Variants in PSAT1 observed in about 807,000 individuals in gnomAD.
PSAT1 encodes phosphoserine aminotransferase 1, also known as phosphoserine aminotransferase.
A neutral mutation model predicts 40.3 loss-of-function variants in PSAT1; 41 were observed. The observed-to-expected ratio is 1.02, with a 90% CI of 0.79 to 1.32. The LOEUF (loss-of-function observed/expected upper bound fraction) is 1.32. PSAT1 is among the 40% of genes most tolerant of loss of function. The pLI is 0.00. For synonymous variants in PSAT1, 147 were observed against 170.5 expected (o/e 0.86, Z 1.07); for missense variants, 406 against 455.8 (o/e 0.89, Z 0.99).
intron 6 of PSAT1, among the ~76,000 whole-genome samples, chr9:78,315,625 T>TG (rs1828332288): frequency 1.3e-5 from 2 of 152,162 alleles, no homozygotes; most frequent in South Asian, 4.1e-4. Flanking sequence ...GGAGGTAGGC[T>TG]GGGGAAGCTT....
chr9:78,300,987 A>T (rs1488560933), intron 2 of PSAT1, among the ~76,000 whole-genome samples: 1 of 152,010 alleles, frequency 6.6e-6, no homozygotes, highest in African/African-American at 2.4e-5. Context: ...ATCCTCCCAC[A>T]TTGGCCTCCC....
At chr9:78,307,844 A>G (rs1828207263) in intron 5 of PSAT1, among the ~76,000 whole-genome samples, 1 of 152,178 alleles carries the variant, frequency 6.6e-6, no homozygotes. Context: ...GTTCAAGACC[A>G]GCCTGGCCAA....
intron 5 of PSAT1, among the ~76,000 whole-genome samples, chr9:78,307,455 T>C (rs1195486281): frequency 6.6e-6 from 1 of 152,256 alleles, no homozygotes; most frequent in East Asian, 1.9e-4. Context: ...CTGTATTTGG[T>C]TTATGGTCTG....
In PSAT1 at chr9:78,310,616, A is replaced by ATTTTT. The variant is rs61004589; in HGVS notation, c.740+2043_740+2047dup. Among the ~76,000 whole-genome samples, 195 of 145,976 alleles carry ATTTTT rather than the reference A, an allele frequency of 1.3e-3. 2 individuals are homozygous for ATTTTT. Among genetic ancestry groups the ATTTTT allele is most frequent in the African/African-American group, 3.4e-3 (137 of 39,712 alleles). Reference sequence around the variant, plus strand: ...CATAATTTACTATGGAAAGGAAAGAATTTTTTTTTTTTTTGACAGAATCTT... The same window carrying ATTTTT: ...CATAATTTACTATGGAAAGGAAAGAATTTTTTTTTTTTTTTTTTTGACAGAATCTT... On this transcript the variant is annotated intron_variant, in intron 6 of 8. Coordinates refer to ENST00000376588, the MANE Select transcript of PSAT1 (RefSeq NM_058179.4).
chr9:78,322,766 CAT>C (rs1828447618), intron 7 of PSAT1, among the ~76,000 whole-genome samples: 1 of 152,186 alleles, frequency 6.6e-6, no homozygotes, highest in African/African-American at 2.4e-5. Context: ...CAAGCTGCCT[CAT>C]AGACAAATGG....
Position 78,300,589 on chromosome 9 carries a change from TA to T in PSAT1, c.61-12del, listed in dbSNP as rs749217693. On this transcript the variant is annotated splice_polypyrimidine_tract_variant and intron_variant, in intron 1 of 8. Transcript: ENST00000376588. ...ATATTTAAATAACCCTATTTTCCTT[TA>T]TTTTTTTCTAGGTGTTGTTAGAGAT... The T allele has an allele frequency of 6.2e-7, 1 of 1,608,600 alleles. No homozygotes were observed. The highest frequency in any genetic ancestry group is 8.5e-7 in the Non-Finnish European group (1 of 1,178,082).
chr9:78,329,122 A>G lies in PSAT1; in HGVS notation c.*36A>G. 6.9e-7 allele frequency: 1 copy of G among 1,458,296 alleles called. No individual in the cohort carries two copies. The highest frequency in any genetic ancestry group is 9.6e-7 in the Non-Finnish European group (1 of 1,039,828). The allele number at this position is 1,458,296 out of a possible 1,614,324, so 90.3% of individuals were successfully genotyped here. ...ACCAGGATATACTCTGTTCTTGAAC[A>G]ACATACAAAGTTTAAAGTAACTTGG... On this transcript the variant is annotated 3_prime_UTR_variant, in exon 9 of 9. Transcript: ENST00000376588.
chr9:78,329,617 A>G lies in PSAT1; in HGVS notation c.*531A>G, dbSNP rs1007924919. The G allele has an allele frequency of 1.2e-5, 2 of 162,140 alleles. No homozygotes were observed. The highest frequency in any genetic ancestry group is 1.2e-4 in the Admixed American group (2 of 17,274). The allele number at this position is 162,140 out of a possible 1,614,324, so 10.0% of individuals were successfully genotyped here. On this transcript the variant is annotated 3_prime_UTR_variant, in exon 9 of 9. Transcript: ENST00000376588. ...ATGCTGTTATTACAGGAGAAGTGAC[A>G]TACTTTATATATGTTTATATTAGCA...
rs1828036312 is a variant in PSAT1 at position 78,297,144 on chromosome 9, G to T, written c.-67G>T. 1.3e-6 allele frequency: 2 copies of T among 1,500,434 alleles called. No homozygotes were observed. Among genetic ancestry groups the T allele is most frequent in the South Asian group, 1.2e-5 (1 of 83,960 alleles). 92.9% of individuals were successfully genotyped at this position (1,500,434 alleles called of 1,614,324 possible). A position where few individuals can be genotyped will look rare whatever the true frequency, so the allele number is the denominator to read the frequency against. On this transcript the variant is annotated 5_prime_UTR_variant, in exon 1 of 9. Transcript: ENST00000376588. ...CCGGCTGCAGACTCTCACCGCAGCG[G>T]CCAGGAACGCCAGCCGTTCACGCGT...
intron 2 of PSAT1, 92 bp from the exon 3 acceptor site, chr9:78,301,862 A>G (rs1243093133): frequency 7.2e-6 from 7 of 968,514 alleles, no homozygotes; most frequent in Non-Finnish European, 9.9e-6. Context: ...ATTTCCCTGT[A>G]TTGTTGTTTA....
intron 1 of PSAT1, among the ~76,000 whole-genome samples, chr9:78,299,799 C>T (rs1380333944): frequency 6.6e-6 from 1 of 152,088 alleles, no homozygotes; most frequent in African/African-American, 2.4e-5. Context: ...GCGTGAGCCA[C>T]CACGCCCGGC....
At position 78,329,640 on chromosome 9, in the gene PSAT1, G is replaced by A. The variant is rs376749590; in HGVS notation, c.*554G>A. On this transcript the variant is annotated 3_prime_UTR_variant, in exon 9 of 9. Coordinates refer to ENST00000376588, the MANE Select transcript of PSAT1 (RefSeq NM_058179.4). ...ACATACTTTATATATGTTTATATTA[G>A]CAAGGTCTGTTTTTAATACCATATA... 44 of 157,298 alleles carry A rather than the reference G, an allele frequency of 2.8e-4. No individual in the cohort carries two copies. The East Asian group carries it at 7.3e-3, about 26-fold the overall frequency. The allele number at this position is 157,298 out of a possible 1,614,324, so 9.7% of individuals were successfully genotyped here.
At position 78,311,265 on chromosome 9, in the gene PSAT1, C is replaced by T. The variant is rs187580667; in HGVS notation, c.740+2682C>T. 2.0e-5 allele frequency among the ~76,000 whole-genome samples: 3 copies of T among 152,200 alleles called. No homozygotes were observed. The East Asian group carries it at 5.8e-4, about 30-fold the overall frequency. On this transcript the variant is annotated intron_variant, in intron 6 of 8. Coordinates refer to ENST00000376588, the MANE Select transcript of PSAT1 (RefSeq NM_058179.4). ...GGGAAGGGGCCGAGATGTCAGGCTG[C>T]ACATGGCAGGTAGAGGTACAGGAGG...
At chr9:78,315,087 T>C (rs1236738321) in intron 6 of PSAT1, among the ~76,000 whole-genome samples, 1 of 152,164 alleles carries the variant, frequency 6.6e-6, no homozygotes, top group Non-Finnish European at 1.5e-5. Context: ...GGCAGCCTCG[T>C]GTCTGGAATG....
In PSAT1 at chr9:78,300,672, AC is replaced by A; in HGVS notation, c.121+11del. The A allele has an allele frequency of 6.5e-7, 1 of 1,536,786 alleles. No homozygotes were observed. The highest frequency in any genetic ancestry group is 2.4e-5 in the East Asian group (1 of 41,694). ...GGCATTAGTGTTCTTGGTAAGATTT[AC>A]TTTTGAATTCTGTGAATGTCCATGT... On this transcript the variant is annotated intron_variant, in intron 2 of 8. Coordinates refer to ENST00000376588, the MANE Select transcript of PSAT1 (RefSeq NM_058179.4).
intron 7 of PSAT1, among the ~76,000 whole-genome samples, chr9:78,320,450 A>G (rs1167575977): frequency 3.5e-5 from 5 of 144,686 alleles, no homozygotes. Flanking sequence ...CTATCCATCC[A>G]TCACCCACCC....
At chr9:78,317,488 C>T (rs750456886) in intron 6 of PSAT1, among the ~76,000 whole-genome samples, 188 bp from the exon 7 acceptor site, 1 of 152,222 alleles carries the variant, frequency 6.6e-6, no homozygotes. Flanking sequence ...TGGCTTCAAG[C>T]GATCCTTCGG....
At chr9:78,327,732 CAT>C (rs1281505839) in intron 7 of PSAT1, among the ~76,000 whole-genome samples, 1 of 152,116 alleles carries the variant, frequency 6.6e-6, no homozygotes, top group African/African-American at 2.4e-5. Context: ...TTGGAAGCTT[CAT>C]ATATGTAGTA....
In PSAT1 at chr9:78,328,250, TA is replaced by T; in HGVS notation, c.1007+66del. The T allele has an allele frequency of 2.5e-6, 4 of 1,604,028 alleles. No individual in the cohort carries two copies. In the Admixed American group the frequency reaches 6.7e-5, roughly 27 times the overall value. Reference sequence around the variant, plus strand: ...TTAGCTTAGTTTTTCAAATGCAGAATAAAACAAATCTATAGGAGCCTGCTTA... The same window carrying T: ...TTAGCTTAGTTTTTCAAATGCAGAATAAACAAATCTATAGGAGCCTGCTTA... On this transcript the variant is annotated intron_variant, in intron 8 of 8. Transcript: ENST00000376588.
Sources: allele counts gnomAD v4.1 joint callset (sites outside exome capture counted in the v4.1 genomes callset), GRCh38; gene constraint gnomAD v4.1.1; transcripts MANE v1.5; gene names NCBI Gene and HGNC (gene_info 2026-07-23, HGNC 2026-07-21).